ZFYVE1: variants seen among roughly 807,000 people sequenced by gnomAD.
ZFYVE1 encodes the protein zinc finger FYVE-type containing 1.
A neutral mutation model predicts 74.4 loss-of-function variants in ZFYVE1; 30 were observed. That is an observed-to-expected ratio of 0.40 (90% CI 0.30 to 0.55). ZFYVE1 has a LOEUF of 0.55. Among genes scored for constraint, ZFYVE1 ranks in the 20% least tolerant of loss-of-function variants. The pLI, the probability that ZFYVE1 is intolerant of heterozygous loss-of-function variation, is 0.42. For missense variants in ZFYVE1, 703 were observed against 1,011.6 expected (o/e 0.69, Z 4.14); for synonymous variants, 335 against 385.1 (o/e 0.87, Z 1.52).
rs183018566 is a variant in ZFYVE1 at position 72,980,646 on chromosome 14, C to T, written c.1310+1143G>A. ...GCAGTGGCGCAATCTCAGCTCACTG[C>T]GGGCTCCGCCTCCCGGGTTCACGCC... On this transcript the variant is annotated intron_variant, in intron 5 of 11. Coordinates refer to ENST00000556143, the MANE Select transcript of ZFYVE1 (RefSeq NM_021260.4). 1.0e-3 allele frequency among the ~76,000 whole-genome samples: 155 copies of T among 152,176 alleles called. No individual in the cohort carries two copies. In the East Asian group the frequency reaches 0.022, roughly 22 times the overall value.
At chr14:73,003,100 G>A (rs1384027605) in intron 2 of ZFYVE1, among the ~76,000 whole-genome samples, 3 of 135,832 alleles carry the variant, frequency 2.2e-5, no homozygotes, top group African/African-American at 2.8e-5. Context: ...TGTCACCCAG[G>A]CTGGAGTCCA....
chr14:72,988,220 G>T (rs895390863), intron 4 of ZFYVE1, among the ~76,000 whole-genome samples: 1 of 149,392 alleles, frequency 6.7e-6, no homozygotes, highest in African/African-American at 2.5e-5. Flanking sequence ...TGTCACCCAG[G>T]CTAGAGTGTA....
At chr14:73,005,149 T>C (rs1378767237) in intron 2 of ZFYVE1, among the ~76,000 whole-genome samples, 3 of 152,136 alleles carry the variant, frequency 2.0e-5, no homozygotes, top group Non-Finnish European at 4.4e-5. Context: ...ACTACTAAAT[T>C]CATCCTTAAC....
At chr14:73,009,761 G>A (rs765830722) in intron 2 of ZFYVE1, among the ~76,000 whole-genome samples, 1 of 151,808 alleles carries the variant, frequency 6.6e-6, no homozygotes, top group East Asian at 1.9e-4. Flanking sequence ...ATCTCAAAAC[G>A]AAACAAAACA....
intron 2 of ZFYVE1, among the ~76,000 whole-genome samples, chr14:73,006,698 C>G (rs80313854): frequency 6.7e-6 from 1 of 149,050 alleles, no homozygotes; most frequent in South Asian, 2.1e-4. Flanking sequence ...AATGATCCCC[C>G]ACCCCAGTTC....
Position 72,978,973 on chromosome 14 carries a change from A to T in ZFYVE1, c.1311-4T>A, listed in dbSNP as rs181487279. On this transcript the variant is annotated splice_polypyrimidine_tract_variant and splice_region_variant and intron_variant, in intron 5 of 11. Transcript: ENST00000556143. ...CATGCTTTTCTTACATCCAACCCTG[A>T]ATGAAGCCCAAAGACTGACAATGAG... The T allele has an allele frequency of 1.2e-6, 2 of 1,613,128 alleles. No individual in the cohort carries two copies. The highest frequency in any genetic ancestry group is 1.7e-6 in the Non-Finnish European group (2 of 1,179,192).
chr14:72,979,526 T>A (rs951260803), intron 5 of ZFYVE1, among the ~76,000 whole-genome samples: 1 of 151,426 alleles, frequency 6.6e-6, no homozygotes, highest in Non-Finnish European at 1.5e-5. Context: ...TAGTGGCTCA[T>A]GCCTGTAATC....
intron 4 of ZFYVE1, chr14:72,986,947 A>C: frequency 2.0e-6 from 2 of 985,448 alleles, no homozygotes; most frequent in Non-Finnish European, 2.4e-6. Flanking sequence ...CCAAAGCTAG[A>C]AGAGAAAGGC....
intron 10 of ZFYVE1, 44 bp from the exon 11 acceptor site, chr14:72,974,237 T>C: frequency 6.3e-7 from 1 of 1,584,276 alleles, no homozygotes; most frequent in Non-Finnish European, 8.7e-7. Flanking sequence ...CTAAGTCCTC[T>C]CCCAAATGGA....
chr14:73,022,739 C>T (rs1433430783), intron 2 of ZFYVE1, among the ~76,000 whole-genome samples: 1 of 152,128 alleles, frequency 6.6e-6, no homozygotes, highest in Non-Finnish European at 1.5e-5. Flanking sequence ...AAACATTATA[C>T]TACCCCTTCC....
intron 2 of ZFYVE1, among the ~76,000 whole-genome samples, chr14:73,015,604 G>C (rs1481855650): frequency 6.6e-6 from 1 of 152,020 alleles, no homozygotes; most frequent in Non-Finnish European, 1.5e-5. Context: ...GGCTGCTCTC[G>C]AATTCCTGAC....
At position 73,024,312 on chromosome 14, in the gene ZFYVE1, C is replaced by T. The variant is rs543449454; in HGVS notation, c.197G>A (p.Gly66Asp). Residue 66 changes from glycine to aspartate, a missense_variant, in exon 2 of 12, where the codon GGC (glycine) becomes GAC (aspartate). This residue lies in a region of ZFYVE1 where 211 missense variants were observed against 221.7 expected (regional missense o/e 0.95). Coordinates refer to ENST00000556143, the MANE Select transcript of ZFYVE1 (RefSeq NM_021260.4). ...RNHERIRLKP[G>D]HVPYCDLCKG... ...GCAGAGGTCACAGTAAGGGACATGG[C>T]CAGGTTTGAGTCTTATCCGCTCATG... The T allele has an allele frequency of 6.2e-7, 1 of 1,614,108 alleles. No homozygotes were observed. The highest frequency in any genetic ancestry group is 1.3e-5 in the African/African-American group (1 of 75,026).
intron 2 of ZFYVE1, among the ~76,000 whole-genome samples, chr14:72,998,930 C>G (rs1893811323): frequency 6.6e-6 from 1 of 150,908 alleles, no homozygotes; most frequent in Admixed American, 6.6e-5. Context: ...ATGGTGAAAT[C>G]CTGTCTCTGC....
chr14:72,980,984 G>A (rs1047687299), intron 5 of ZFYVE1, among the ~76,000 whole-genome samples: 2 of 152,144 alleles, frequency 1.3e-5, no homozygotes, highest in Admixed American at 6.6e-5. Flanking sequence ...TAAAATTTGC[G>A]GATCACTGCT....
chr14:73,024,414 A>G lies in ZFYVE1; in HGVS notation c.95T>C (p.Phe32Ser). The G allele has an allele frequency of 6.2e-7, 1 of 1,614,140 alleles. No individual in the cohort carries two copies. Among genetic ancestry groups the G allele is most frequent in the Non-Finnish European group, 8.5e-7 (1 of 1,180,012 alleles). The change falls in exon 2 of 12, where the codon TTT becomes TCT. Residue 32 changes from phenylalanine (F) to serine (S), a missense_variant. Coordinates refer to ENST00000556143, the MANE Select transcript of ZFYVE1 (RefSeq NM_021260.4). Reference sequence around the variant, plus strand: ...CAGACTGCAGCACTCATCACACTCAAAGATAGCTTCATCAGTCCCGCTGCA... The same window carrying G: ...CAGACTGCAGCACTCATCACACTCAGAGATAGCTTCATCAGTCCCGCTGCA... ...YACSGTDEAI[F>S]ECDECCSLQC...
At chr14:72,990,689 CTTTTTTTTTT>C (rs369030778) in intron 4 of ZFYVE1, among the ~76,000 whole-genome samples, 19,078 of 66,872 alleles carry the variant, frequency 0.29, 1,896 homozygotes, top group South Asian at 0.47. Flanking sequence ...CGCACCTGGC[CTTTTTTTTTT>C]TTTTTTTTTT....
intron 2 of ZFYVE1, among the ~76,000 whole-genome samples, chr14:73,021,354 A>T (rs946017450): frequency 1.2e-4 from 17 of 147,628 alleles, no homozygotes; most frequent in African/African-American, 4.2e-4. Context: ...TCTCAAAATA[A>T]AAATAAATAA....
At chr14:72,994,322 CAAAA>C (rs71109776) in intron 3 of ZFYVE1, among the ~76,000 whole-genome samples, 27 of 31,140 alleles carry the variant, frequency 8.7e-4, no homozygotes, top group African/African-American at 1.4e-3. Context: ...GACGCTGTCT[CAAAA>C]AAAAAAAAAA....
At chr14:72,974,988 G>A (rs749691093) in intron 9 of ZFYVE1, 29 bp from the exon 10 acceptor site, 4 of 1,588,130 alleles carry the variant, frequency 2.5e-6, no homozygotes, top group Non-Finnish European at 3.4e-6. Flanking sequence ...AAAACAGAGA[G>A]GCAGGTAGGT....
Sources: gnomAD v4.1 joint callset for allele counts (sites outside exome capture counted in the v4.1 genomes callset) on GRCh38, gnomAD v4.1.1 for gene constraint, gnomAD v4.1.1 regional missense constraint, MANE v1.5 for transcripts, NCBI Gene and HGNC (gene_info 2026-07-23, HGNC 2026-07-21) for gene names.